SLC15A3: variants seen among roughly 807,000 people sequenced by gnomAD.
The protein encoded by SLC15A3 is solute carrier family 15 member 3.
SLC15A3 carries 39 observed loss-of-function variants against 49.2 expected under a neutral mutation model. The observed-to-expected ratio is 0.79, with a 90% CI of 0.61 to 1.04. The LOEUF (loss-of-function observed/expected upper bound fraction) is 1.04, where lower values mean the gene tolerates loss of function less well. SLC15A3 is among the 50% of genes least tolerant of loss of function. The pLI is 0.00. For missense variants in SLC15A3, 758 were observed against 794.8 expected, an observed-to-expected ratio of 0.95 and a Z score of 0.56; for synonymous variants, 339 against 367.0, an observed-to-expected ratio of 0.92 and a Z score of 0.87.
intron 6 of SLC15A3, among the ~76,000 whole-genome samples, chr11:60,938,678 C>T (rs1856662800): frequency 6.6e-6 from 1 of 152,182 alleles, no homozygotes; most frequent in Non-Finnish European, 1.5e-5. Flanking sequence ...GCCTCTCCAG[C>T]CCTATCCCCC....
At chr11:60,949,380 A>C in intron 1 of SLC15A3, among the ~76,000 whole-genome samples, 1 of 148,734 alleles carries the variant, frequency 6.7e-6, no homozygotes, top group African/African-American at 2.5e-5. Flanking sequence ...AAGAGAAAGA[A>C]AGAGAGAGAG....
At chr11:60,949,211 C>CTA (rs1856849675) in intron 1 of SLC15A3, among the ~76,000 whole-genome samples, 1 of 151,976 alleles carries the variant, frequency 6.6e-6, no homozygotes, top group African/African-American at 2.4e-5. Context: ...TAGCGGGCAC[C>CTA]TATAATCCCA....
At position 60,951,177 on chromosome 11, in the gene SLC15A3, G is replaced by C. The variant is rs1856913018; in HGVS notation, c.375C>G (p.Asp125Glu). The C allele has an allele frequency of 6.7e-7, 1 of 1,495,638 alleles. No individual in the cohort carries two copies. The highest frequency in any genetic ancestry group is 1.5e-5 in the African/African-American group (1 of 68,430). The allele number at this position is 1,495,638 out of a possible 1,614,324, so 92.6% of individuals were successfully genotyped here. Residue 125 changes from aspartate to glutamate, a missense_variant, in exon 1 of 8, where the codon GAC becomes GAG. By Grantham distance (45) the Asp-to-Glu change is conservative. This residue lies in a region of SLC15A3 where 699 missense variants were observed against 706.7 expected (regional missense o/e 0.99). Transcript: ENST00000227880. The stretch of plus-strand genomic sequence containing the variant: ...TCTCTCCGCAGAAGGAGCTGCGGCC[G>C]TCGGGGAAGGCGGTGGCGGGCAGCA... ...SGLLPATAFP[D>E]GRSSFCGEMP...
intron 7 of SLC15A3, 24 bp from the exon 8 acceptor site, chr11:60,937,397 T>C (rs200256708): frequency 6.2e-7 from 1 of 1,613,798 alleles, no homozygotes; most frequent in East Asian, 2.2e-5. Flanking sequence ...GGGTTAGATT[T>C]GGGTCAGGAC....
rs758555985 is a variant in SLC15A3 at position 60,939,433 on chromosome 11, G to A, written c.1435+47C>T. 11 of 1,604,060 alleles carry A rather than the reference G, an allele frequency of 6.9e-6. No individual in the cohort carries two copies. In the South Asian group the frequency reaches 1.2e-4, roughly 18 times the overall value. ...GTACCTGACTTTGAGGTGCCACCGG[G>A]CAGAGCCCATCACTGGTGCAGGAGC... On this transcript the variant is annotated intron_variant, in intron 6 of 7. Coordinates refer to ENST00000227880, the MANE Select transcript of SLC15A3 (RefSeq NM_016582.3).
At chr11:60,950,057 C>T (rs112448566) in intron 1 of SLC15A3, among the ~76,000 whole-genome samples, 3 of 152,328 alleles carry the variant, frequency 2.0e-5, no homozygotes, top group African/African-American at 4.8e-5. Flanking sequence ...ATTTCTTCTA[C>T]GTGCCATGCT....
intron 2 of SLC15A3, among the ~76,000 whole-genome samples, chr11:60,944,416 G>T (rs1856771623): frequency 6.6e-6 from 1 of 152,066 alleles, no homozygotes; most frequent in Non-Finnish European, 1.5e-5. Context: ...TCTCCACGGG[G>T]TTTCCATTCA....
At position 60,938,177 on chromosome 11, in the gene SLC15A3, C is replaced by T. The variant is rs114516235; in HGVS notation, c.1436-152G>A. 1,061 of 930,912 alleles carry T rather than the reference C, an allele frequency of 1.1e-3. 9 individuals carry two copies. The African/African-American group carries it at 0.013, about 12-fold the overall frequency. The allele number at this position is 930,912 out of a possible 1,614,324, so 57.7% of individuals were successfully genotyped here. A position where few individuals can be genotyped will look rare whatever the true frequency, so the allele number is the denominator to read the frequency against. ...TCCACTCAGTGGCAATGACAGCACC[C>T]ATGCATCAATGCCGCCTTCCCCTCT... On this transcript the variant is annotated intron_variant, in intron 6 of 7. Coordinates refer to ENST00000227880, the MANE Select transcript of SLC15A3 (RefSeq NM_016582.3).
At chr11:60,945,053 G>T (rs1856780959) in intron 2 of SLC15A3, among the ~76,000 whole-genome samples, 2 of 152,226 alleles carry the variant, frequency 1.3e-5, no homozygotes. Context: ...TGCTGGCCTT[G>T]TGACAGCTTT....
At chr11:60,949,432 AAGAAAGAAAGAAAGAAAG>A (rs1332432346) in intron 1 of SLC15A3, among the ~76,000 whole-genome samples, 19 of 30,440 alleles carry the variant, frequency 6.2e-4, no homozygotes, top group East Asian at 0.018. Context: ...GAAGGAAAGA[AAGAAAGAAAGAAAGAAAG>A]AGAAAGAAAG....
At chr11:60,949,703 C>T (rs949960750) in intron 1 of SLC15A3, among the ~76,000 whole-genome samples, 1 of 152,176 alleles carries the variant, frequency 6.6e-6, no homozygotes. Flanking sequence ...TTGGATGAAA[C>T]GATCCTTTTG....
chr11:60,951,219 G>T lies in SLC15A3; in HGVS notation c.333C>A (p.Tyr111Ter). 6.6e-7 allele frequency: 1 copy of T among 1,507,198 alleles called. No homozygotes were observed. Among genetic ancestry groups the T allele is most frequent in the African/African-American group, 1.5e-5 (1 of 68,874 alleles). The allele number at this position is 1,507,198 out of a possible 1,614,324, so 93.4% of individuals were successfully genotyped here. A position where few individuals can be genotyped will look rare whatever the true frequency, so the allele number is the denominator to read the frequency against. Residue 111 changes from tyrosine (Y) to a stop codon, truncating the protein, a stop_gained, in exon 1 of 8, where the codon TAC becomes TAA. Coordinates refer to ENST00000227880, the MANE Select transcript of SLC15A3 (RefSeq NM_016582.3). LOFTEE classifies it high-confidence loss of function. ...CGGGCAGCAGGCCCGAGGCGGCCAG[G>T]TAGAGCAGCAGGCTGAGCGCGACCG... is the stretch of plus-strand genomic sequence containing the variant. ...YRAVALSLLL[Y>*]LAASGLLPAT...
intron 1 of SLC15A3, among the ~76,000 whole-genome samples, chr11:60,949,877 T>C (rs1856883633): frequency 6.6e-6 from 1 of 152,264 alleles, no homozygotes; most frequent in Non-Finnish European, 1.5e-5. Context: ...GCTGCAGTCC[T>C]ATCTGTATGC....
intron 1 of SLC15A3, among the ~76,000 whole-genome samples, chr11:60,949,864 A>C (rs76029751): frequency 6.6e-6 from 1 of 152,338 alleles, no homozygotes; most frequent in East Asian, 1.9e-4. Flanking sequence ...GTCTTTCCAC[A>C]TGGCTGCAGT....
At chr11:60,941,819 G>A (rs1365431381) in intron 4 of SLC15A3, 3 of 545,992 alleles carry the variant, frequency 5.5e-6, no homozygotes, top group Non-Finnish European at 9.9e-6. Flanking sequence ...GCATGGGGGT[G>A]TGCAGCTGGC....
chr11:60,950,938 C>A, intron 1 of SLC15A3, 56 bp downstream of exon 1: 1 of 1,381,596 alleles, frequency 7.2e-7, no homozygotes, highest in Non-Finnish European at 9.3e-7. Context: ...TGGGGGCCAG[C>A]CCTCCTTCCC....
chr11:60,946,433 G>C (rs1590641546), intron 2 of SLC15A3, 99 bp downstream of exon 2: 1 of 1,350,386 alleles, frequency 7.4e-7, no homozygotes, highest in East Asian at 2.4e-5. Flanking sequence ...TATCACTGTA[G>C]CTGAACCAGA....
At chr11:60,944,351 A>G (rs560916776) in intron 2 of SLC15A3, among the ~76,000 whole-genome samples, 4 of 152,302 alleles carry the variant, frequency 2.6e-5, no homozygotes, top group African/African-American at 9.6e-5. Flanking sequence ...CGCCAAGGCC[A>G]GCATCCTTAC....
At chr11:60,946,193 C>T (rs895515504) in intron 2 of SLC15A3, among the ~76,000 whole-genome samples, 3 of 151,998 alleles carry the variant, frequency 2.0e-5, no homozygotes, top group African/African-American at 7.3e-5. Flanking sequence ...GAGGTTTCAC[C>T]ATGTTGCCCA....
Sources: gnomAD v4.1 joint callset for allele counts (sites outside exome capture counted in the v4.1 genomes callset) on GRCh38, gnomAD v4.1.1 for gene constraint, gnomAD v4.1.1 regional missense constraint, MANE v1.5 for transcripts, NCBI Gene and HGNC (gene_info 2026-07-23, HGNC 2026-07-21) for gene names.